The following RIPOR2 variants were observed in gnomAD, a reference collection of about 807,000 sequenced individuals.
RIPOR2 encodes rho family-interacting cell polarization regulator 2.
RIPOR2 carries 39 observed loss-of-function variants against 114.5 expected under a neutral mutation model. The observed-to-expected ratio is 0.34, with a 90% CI of 0.26 to 0.44. RIPOR2 has a LOEUF of 0.44. Among genes scored for constraint, RIPOR2 ranks in the 20% least tolerant of loss-of-function variants. The pLI, the probability that RIPOR2 is intolerant of heterozygous loss-of-function variation, is 1.00. For missense variants in RIPOR2, 1,007 were observed against 1,255.1 expected, an observed-to-expected ratio of 0.80 and a Z score of 2.99; for synonymous variants, 445 against 484.4, an observed-to-expected ratio of 0.92 and a Z score of 1.07.
At chr6:24,818,654 G>C (rs1430376784) in intron 19 of RIPOR2, 29 bp from the exon 20 acceptor site, 12 of 1,478,754 alleles carry the variant, frequency 8.1e-6, no homozygotes, top group Non-Finnish European at 1.1e-5. Context: ...CCTCATGAAG[G>C]CATTTTGGTT....
chr6:24,892,791 G>A (rs370109448), intron 1 of RIPOR2, among the ~76,000 whole-genome samples: 4 of 152,300 alleles, frequency 2.6e-5, no homozygotes, highest in South Asian at 4.1e-4. Context: ...AGGAGACATA[G>A]CAAGAGAGGC....
chr6:25,008,677 TC>T (rs1203414343), intron 1 of RIPOR2, among the ~76,000 whole-genome samples: 3 of 152,202 alleles, frequency 2.0e-5, no homozygotes, highest in Non-Finnish European at 4.4e-5. Context: ...ATAAGAGATT[TC>T]AGATATGAAA....
intron 4 of RIPOR2, among the ~76,000 whole-genome samples, chr6:24,872,290 G>A (rs563793491): frequency 6.6e-6 from 1 of 152,172 alleles, no homozygotes; most frequent in Non-Finnish European, 1.5e-5. Context: ...TTACTCCTTT[G>A]AGCCTCTTTT....
chr6:24,955,703 A>G (rs958489539), intron 1 of RIPOR2, among the ~76,000 whole-genome samples: 10 of 151,258 alleles, frequency 6.6e-5, no homozygotes, highest in Non-Finnish European at 1.3e-4. Flanking sequence ...TCCTTCAAAA[A>G]AAAAAAAAAA....
chr6:24,943,656 G>A (rs752779107), intron 1 of RIPOR2, among the ~76,000 whole-genome samples: 1 of 151,916 alleles, frequency 6.6e-6, no homozygotes, highest in Non-Finnish European at 1.5e-5. Flanking sequence ...GAGTTTTATG[G>A]CATTTTAATT....
rs963137251 is a variant in RIPOR2, at chr6:24,825,493, T to C, written c.2666-65A>G. 5.9e-6 allele frequency: 7 copies of C among 1,176,546 alleles called. No individual in the cohort carries two copies. The African/African-American group carries it at 9.1e-5, about 15-fold the overall frequency. The allele number at this position is 1,176,546 out of a possible 1,614,324, so 72.9% of individuals were successfully genotyped here. On this transcript the variant is annotated intron_variant, in intron 18 of 21. Coordinates refer to ENST00000643898, the MANE Select transcript of RIPOR2 (RefSeq NM_001286445.3). ...GCTAAAGTAATCAGCTCATTACAAATATAAATAGAACTCAAGTACATAAGA... is the reference window on the plus strand; with the variant it reads ...GCTAAAGTAATCAGCTCATTACAAACATAAATAGAACTCAAGTACATAAGA...
intron 1 of RIPOR2, among the ~76,000 whole-genome samples, chr6:24,932,765 T>C (rs551116786): frequency 1.3e-5 from 2 of 152,296 alleles, no homozygotes; most frequent in South Asian, 2.1e-4. Context: ...TGCAAGGAAA[T>C]ATAGTTGCCC....
intron 1 of RIPOR2, among the ~76,000 whole-genome samples, chr6:24,994,126 T>C (rs1441165979): frequency 1.3e-5 from 2 of 152,128 alleles, no homozygotes; most frequent in East Asian, 3.9e-4. Flanking sequence ...TGAGTTATAG[T>C]AATTGGGAAA....
intron 10 of RIPOR2, among the ~76,000 whole-genome samples, 190 bp downstream of exon 10, chr6:24,850,407 G>C (rs557414974): frequency 6.6e-6 from 1 of 152,172 alleles, no homozygotes; most frequent in Non-Finnish European, 1.5e-5. Flanking sequence ...GCCAGAGGTG[G>C]ATATTTCAAA....
chr6:24,944,482 T>C (rs1772308085), intron 1 of RIPOR2, among the ~76,000 whole-genome samples: 1 of 152,002 alleles, frequency 6.6e-6, no homozygotes, highest in African/African-American at 2.4e-5. Context: ...AACAAAAACC[T>C]TGGGGGAGTA....
chr6:24,904,069 G>A (rs1475929623), intron 1 of RIPOR2, among the ~76,000 whole-genome samples: 4 of 152,198 alleles, frequency 2.6e-5, no homozygotes, highest in Admixed American at 6.5e-5. Context: ...TGGGGTCTCC[G>A]TCAAATGCAC....
At chr6:24,982,950 C>G (rs1418487163) in intron 1 of RIPOR2, among the ~76,000 whole-genome samples, 1 of 152,118 alleles carries the variant, frequency 6.6e-6, no homozygotes, top group African/African-American at 2.4e-5. Context: ...ATTTGTGATA[C>G]TAAGACCAAT....
chr6:24,860,270 A>T (rs1339252069), intron 8 of RIPOR2, among the ~76,000 whole-genome samples: 1 of 125,100 alleles, frequency 8.0e-6, no homozygotes. Flanking sequence ...GCCAACAGAC[A>T]AGCTAGAATG....
chr6:24,849,755 C>T (rs759313006), intron 11 of RIPOR2, 47 bp downstream of exon 11: 54 of 1,537,302 alleles, frequency 3.5e-5, no homozygotes, highest in Admixed American at 8.4e-5. Flanking sequence ...TAGCACTAGC[C>T]GGTATCAGAT....
intron 1 of RIPOR2, among the ~76,000 whole-genome samples, chr6:24,969,296 G>A (rs1234709901): frequency 6.6e-6 from 1 of 152,122 alleles, no homozygotes; most frequent in African/African-American, 2.4e-5. Context: ...CTGATCACCT[G>A]GTAAACTTAG....
At chr6:24,811,657 C>CTTTTTTTTTTTTTTT (rs1222503239) in intron 20 of RIPOR2, among the ~76,000 whole-genome samples, 1 of 21,740 alleles carries the variant, frequency 4.6e-5, no homozygotes, top group African/African-American at 8.4e-5. Flanking sequence ...TCGTTTAGTA[C>CTTTTTTTTTTTTTTT]TTTTTTTTTT....
chr6:24,975,440 T>A (rs1225922641), intron 1 of RIPOR2, among the ~76,000 whole-genome samples: 2 of 152,080 alleles, frequency 1.3e-5, no homozygotes, highest in Non-Finnish European at 2.9e-5. Flanking sequence ...AAGCATGGGA[T>A]GGTGAAAAGG....
At position 24,968,970 on chromosome 6, in the gene RIPOR2, C is replaced by T. The variant is rs1209209803; in HGVS notation, c.76+72881G>A. On this transcript the variant is annotated intron_variant, in intron 1 of 13. Coordinates refer to the RIPOR2 transcript ENST00000510784. ...CTCCTGGCTGCCTCTGTAGGTGGCCCGTTTAATCACCTCATTTGCTTTTCC... is the reference window on the plus strand; with the variant it reads ...CTCCTGGCTGCCTCTGTAGGTGGCCTGTTTAATCACCTCATTTGCTTTTCC... 2.0e-5 allele frequency among the ~76,000 whole-genome samples: 3 copies of T among 152,276 alleles called. No homozygotes were observed. In the East Asian group the frequency reaches 5.8e-4, roughly 29 times the overall value.
rs1163764380 is a variant in RIPOR2, at chr6:24,830,641, A to G, written c.2374T>C (p.Leu792=). ...CAGCACTTGGTCCAGAATGACAGCA[A>G]AGACAGCTTTTTGTGAAATTCTGGT... ...AIPEFHKKLS[L]LSFWTKCCSP... is the part of the protein sequence containing the mutation. Residue 792 remains leucine (L), a synonymous_variant, in exon 17 of 22, where the codon TTG becomes CTG. Transcript: ENST00000643898. 2 of 1,551,362 alleles carry G rather than the reference A, an allele frequency of 1.3e-6. No individual in the cohort carries two copies. Among genetic ancestry groups the G allele is most frequent in the South Asian group, 1.2e-5 (1 of 84,036 alleles).
Sources: gnomAD v4.1 joint callset for allele counts (sites outside exome capture counted in the v4.1 genomes callset) on GRCh38, gnomAD v4.1.1 for gene constraint, MANE v1.5 for transcripts, NCBI Gene and HGNC (gene_info 2026-07-23, HGNC 2026-07-21) for gene names.